The following RIMS2 variants were observed in gnomAD, a reference collection of about 807,000 sequenced individuals.
RIMS2 encodes the protein regulating synaptic membrane exocytosis protein 2.
Under a neutral mutation model 174.4 loss-of-function variants are expected in RIMS2, and 59 were observed. The ratio of observed to expected loss-of-function variants is 0.34; its 90% CI spans 0.27 to 0.42. The LOEUF is 0.42. Among genes scored for constraint, RIMS2 ranks in the 10% least tolerant of loss-of-function variants. The probability of loss-of-function intolerance (pLI) is 1.00; values close to 1 mark genes in which losing one functional copy is unlikely to be tolerated. For synonymous variants in RIMS2, 606 were observed against 572.5 expected, an observed-to-expected ratio of 1.06 and a Z score of -0.84; for missense variants, 1,620 against 1,666.3, an observed-to-expected ratio of 0.97 and a Z score of 0.48.
intron 19 of RIMS2, among the ~76,000 whole-genome samples, chr8:104,167,364 G>A (rs1232271688): frequency 1.3e-5 from 2 of 152,048 alleles, no homozygotes; most frequent in Non-Finnish European, 2.9e-5. Context: ...TTTAATTATG[G>A]CCACTCTTGC....
intron 19 of RIMS2, among the ~76,000 whole-genome samples, chr8:104,133,602 C>G (rs915037022): frequency 8.5e-5 from 13 of 152,110 alleles, no homozygotes; most frequent in African/African-American, 2.9e-4. Context: ...TTAGAAAAAT[C>G]AAGTGGCTTC....
At chr8:103,732,377 T>C (rs954586569) in intron 2 of RIMS2, among the ~76,000 whole-genome samples, 6 of 152,230 alleles carry the variant, frequency 3.9e-5, no homozygotes, top group African/African-American at 1.4e-4. Context: ...CCACTGTGAC[T>C]GTGCTACGTC....
intron 1 of RIMS2, among the ~76,000 whole-genome samples, chr8:103,693,272 G>A (rs1258150123): frequency 1.3e-5 from 2 of 152,170 alleles, no homozygotes; most frequent in Non-Finnish European, 1.5e-5. Context: ...AGGAGGGATA[G>A]CATCGAGAAT....
intron 3 of RIMS2, among the ~76,000 whole-genome samples, chr8:103,830,528 T>C (rs1564807941): frequency 6.6e-6 from 1 of 152,212 alleles, no homozygotes; most frequent in Non-Finnish European, 1.5e-5. Context: ...TACTGCCCAC[T>C]GTGAGGACTA....
intron 12 of RIMS2, 74 bp downstream of exon 14, chr8:103,931,467 C>T (rs976128606): frequency 9.6e-7 from 1 of 1,046,952 alleles, no homozygotes; most frequent in Non-Finnish European, 1.4e-6. Flanking sequence ...TATTTCAATT[C>T]TGTATCATTT....
intron 1 of RIMS2, among the ~76,000 whole-genome samples, chr8:103,604,527 T>A (rs2094946029): frequency 6.6e-6 from 1 of 151,958 alleles, no homozygotes; most frequent in Non-Finnish European, 1.5e-5. Flanking sequence ...TTTTTCCAAT[T>A]CTGTGAAGAA....
chr8:103,710,096 A>G (rs2097285734), intron 2 of RIMS2, among the ~76,000 whole-genome samples: 1 of 152,094 alleles, frequency 6.6e-6, no homozygotes, highest in Non-Finnish European at 1.5e-5. Context: ...CCTTATGTAG[A>G]AGGCTTTTGT....
intron 6 of RIMS2, among the ~76,000 whole-genome samples, chr8:103,913,243 G>T (rs2076067931): frequency 6.6e-6 from 1 of 151,564 alleles, no homozygotes; most frequent in African/African-American, 2.4e-5. Flanking sequence ...CTCCCAGCAT[G>T]CTGGGATTAC....
intron 1 of RIMS2, among the ~76,000 whole-genome samples, chr8:103,525,777 T>C (rs748297675): frequency 3.3e-5 from 5 of 152,206 alleles, no homozygotes; most frequent in Non-Finnish European, 7.3e-5. Flanking sequence ...ATAATATCTT[T>C]GAGGAAGTTG....
At chr8:103,961,488 A>G (rs934864143) in intron 15 of RIMS2, among the ~76,000 whole-genome samples, 6 of 152,170 alleles carry the variant, frequency 3.9e-5, no homozygotes, top group African/African-American at 1.2e-4. Context: ...TGTAACCACC[A>G]TATCTAAATA....
intron 1 of RIMS2, among the ~76,000 whole-genome samples, chr8:103,604,749 CT>C (rs2094960180): frequency 7.8e-6 from 1 of 127,812 alleles, no homozygotes; most frequent in African/African-American, 3.2e-5. Context: ...GTATTTTATT[CT>C]CTTTGAAGCA....
At chr8:103,601,147 C>A (rs1258426035) in intron 1 of RIMS2, among the ~76,000 whole-genome samples, 1 of 152,122 alleles carries the variant, frequency 6.6e-6, no homozygotes, top group Non-Finnish European at 1.5e-5. Context: ...ATATTTTCTC[C>A]CATTCTGTGG....
intron 1 of RIMS2, among the ~76,000 whole-genome samples, chr8:103,659,115 T>C (rs1014265386): frequency 2.0e-5 from 3 of 152,206 alleles, no homozygotes; most frequent in Non-Finnish European, 4.4e-5. Context: ...AAGAATGATA[T>C]AGACAAAAGA....
intron 13 of RIMS2, among the ~76,000 whole-genome samples, chr8:103,940,875 C>CA (rs11284715): frequency 0.046 from 4,262 of 92,644 alleles, 173 homozygotes; most frequent in African/African-American, 0.14. Context: ...GACTCCATCT[C>CA]AAAAAAAAAA....
intron 1 of RIMS2, among the ~76,000 whole-genome samples, chr8:103,518,374 A>C (rs1830038444): frequency 6.6e-6 from 1 of 152,066 alleles, no homozygotes; most frequent in African/African-American, 2.4e-5. Context: ...GAGCTAAAAA[A>C]AAAAATCTCA....
chr8:103,657,178 A>G (rs1349471267), intron 1 of RIMS2, among the ~76,000 whole-genome samples: 2 of 152,208 alleles, frequency 1.3e-5, no homozygotes, highest in Non-Finnish European at 2.9e-5. Context: ...TCAGAGTCAC[A>G]GCCCAAGAGC....
At chr8:104,064,828 A>G (rs1338869795) in intron 19 of RIMS2, among the ~76,000 whole-genome samples, 1 of 152,084 alleles carries the variant, frequency 6.6e-6, no homozygotes, top group Non-Finnish European at 1.5e-5. Flanking sequence ...TTGTCCCATT[A>G]CCATCTCAAT....
intron 19 of RIMS2, chr8:104,223,413 G>A: frequency 7.9e-7 from 1 of 1,272,662 alleles, no homozygotes; most frequent in Non-Finnish European, 9.9e-7. Flanking sequence ...CAGCCGCTCC[G>A]CCCGCCACCG....
chr8:103,599,216 A>G (rs2094595383), intron 1 of RIMS2, among the ~76,000 whole-genome samples: 1 of 151,814 alleles, frequency 6.6e-6, no homozygotes, highest in Non-Finnish European at 1.5e-5. Context: ...TTTTATTCAA[A>G]TACAAATGAA....
Sources: gnomAD v4.1 joint callset for allele counts (sites outside exome capture counted in the v4.1 genomes callset) on GRCh38, gnomAD v4.1.1 for gene constraint, MANE v1.5 for transcripts, NCBI Gene and HGNC (gene_info 2026-07-23, HGNC 2026-07-21) for gene names.